Variants in FAM91A1 observed in about 807,000 individuals in gnomAD.
The protein encoded by FAM91A1 is protein FAM91A1.
In FAM91A1, 41 loss-of-function variants were observed where a neutral mutation model predicts 113.5. The ratio of observed to expected loss-of-function variants is 0.36; its 90% CI spans 0.28 to 0.47. The LOEUF is 0.47. Ranked by LOEUF, FAM91A1 falls within the 20% of genes least tolerant of loss-of-function variation. FAM91A1 has a pLI of 1.00. For synonymous variants in FAM91A1, 307 were observed against 347.9 expected, an observed-to-expected ratio of 0.88 and a Z score of 1.31; for missense variants, 696 against 1,001.2, an observed-to-expected ratio of 0.70 and a Z score of 4.11.
intron 15 of FAM91A1, among the ~76,000 whole-genome samples, chr8:123,794,120 T>G (rs1311679518): frequency 1.3e-5 from 2 of 152,238 alleles, no homozygotes; most frequent in East Asian, 3.8e-4. Context: ...ACACTTTGGC[T>G]TTCGTTATAC....
intron 8 of FAM91A1, among the ~76,000 whole-genome samples, chr8:123,782,368 A>G (rs1815146139): frequency 1.3e-5 from 2 of 152,218 alleles, no homozygotes. Context: ...ATTCAGTACA[A>G]ATAATACCTG....
At chr8:123,812,387 T>TCTGTGG in intron 23 of FAM91A1, 132 bp from the exon 24 acceptor site, 14 of 643,758 alleles carry the variant, frequency 2.2e-5, no homozygotes, top group South Asian at 8.4e-5. Flanking sequence ...AGTGTAGATC[T>TCTGTGG]TTGCATCTCC....
Position 123,785,085 on chromosome 8 carries a change from C to CA in FAM91A1, c.818dup (p.Asn273LysfsTer4). ...AATTTTAATTTTATCTTCTAGCTTG[C>CA]AAATGTCCTTGAGATTGACTTATCC... On this transcript the variant is annotated frameshift_variant, in exon 10 of 24. Coordinates refer to ENST00000334705, the MANE Select transcript of FAM91A1 (RefSeq NM_144963.4). LOFTEE classifies it high-confidence loss of function. The CA allele has an allele frequency of 6.3e-7, 1 of 1,587,752 alleles. No homozygotes were observed. Among genetic ancestry groups the CA allele is most frequent in the South Asian group, 1.2e-5 (1 of 86,144 alleles).
chr8:123,788,352 A>T, intron 14 of FAM91A1: 1 of 634,640 alleles, frequency 1.6e-6, no homozygotes, highest in Non-Finnish European at 2.0e-6. Context: ...GTATTCAAAT[A>T]GTTTGTGTGC....
At chr8:123,787,460 G>A in intron 13 of FAM91A1, 87 bp downstream of exon 13, 1 of 1,134,696 alleles carries the variant, frequency 8.8e-7, no homozygotes, top group South Asian at 1.5e-5. Context: ...CTTTTTTAAA[G>A]TACTACATTT....
At chr8:123,778,801 A>G in intron 6 of FAM91A1, 29 bp downstream of exon 6, 1 of 1,337,446 alleles carries the variant, frequency 7.5e-7, no homozygotes, top group African/African-American at 1.5e-5. Context: ...TAAACATAGA[A>G]TTTTTATTTT....
intron 15 of FAM91A1, among the ~76,000 whole-genome samples, chr8:123,791,700 G>A (rs1232184896): frequency 2.0e-5 from 3 of 152,138 alleles, no homozygotes; most frequent in African/African-American, 7.2e-5. Flanking sequence ...AATGATTGGC[G>A]TGACTATTTC....
At chr8:123,779,305 A>T (rs556591883) in intron 6 of FAM91A1, among the ~76,000 whole-genome samples, 1 of 152,204 alleles carries the variant, frequency 6.6e-6, no homozygotes, top group African/African-American at 2.4e-5. Context: ...ATCACTGCAA[A>T]GAACTGTTGT....
chr8:123,768,441 A>C lies in FAM91A1; in HGVS notation c.-262A>C. 1 of 408,792 alleles carries C rather than the reference A, an allele frequency of 2.4e-6. No homozygotes were observed. 25.3% of individuals were successfully genotyped at this position (408,792 alleles called of 1,614,324 possible). On this transcript the variant is annotated 5_prime_UTR_variant, in exon 1 of 24. Transcript: ENST00000334705. Reference sequence around the variant, plus strand: ...GCGGGCGGAAGTGACGTGTGCCCAGAGCCATTTCCGGCGGCCCGAAACTAG... The same window carrying C: ...GCGGGCGGAAGTGACGTGTGCCCAGCGCCATTTCCGGCGGCCCGAAACTAG...
intron 8 of FAM91A1, among the ~76,000 whole-genome samples, chr8:123,783,844 C>G (rs1302100081): frequency 6.6e-6 from 1 of 152,136 alleles, no homozygotes; most frequent in African/African-American, 2.4e-5. Flanking sequence ...TTGGGCTGCC[C>G]ACTGTGCTAA....
At chr8:123,778,143 T>A in intron 5 of FAM91A1, 51 bp downstream of exon 5, 1 of 1,368,086 alleles carries the variant, frequency 7.3e-7, no homozygotes, top group Admixed American at 1.9e-5. Context: ...CACAGTTTGA[T>A]TAGTTTTTTT....
chr8:123,798,142 A>G lies in FAM91A1; in HGVS notation c.1464A>G (p.Ala488=). Residue 488 remains alanine, a synonymous_variant, in exon 16 of 24, where the codon GCA becomes GCG. Transcript: ENST00000334705. ...AAAGCCTTCTTGGTTTGGACCCTGC[A>G]ACTTGCAGCAGAGTTCTAAACAAAA... is the stretch of plus-strand genomic sequence containing the variant. ...RCESLLGLDP[A]TCSRVLNKNY... The G allele has an allele frequency of 1.2e-6, 2 of 1,614,142 alleles. No individual in the cohort carries two copies. The highest frequency in any genetic ancestry group is 1.7e-5 in the Admixed American group (1 of 60,026).
intron 15 of FAM91A1, among the ~76,000 whole-genome samples, chr8:123,796,911 A>G (rs1401359149): frequency 6.6e-6 from 1 of 151,562 alleles, no homozygotes; most frequent in Non-Finnish European, 1.5e-5. Context: ...AAATACAAAA[A>G]TTACCTGGGT....
intron 8 of FAM91A1, among the ~76,000 whole-genome samples, chr8:123,782,773 A>C (rs916631277): frequency 1.3e-5 from 2 of 152,186 alleles, no homozygotes; most frequent in African/African-American, 4.8e-5. Flanking sequence ...CACTGTTTCA[A>C]ATTTCTTCAT....
chr8:123,791,125 G>T (rs1815372669), intron 15 of FAM91A1, among the ~76,000 whole-genome samples: 2 of 152,176 alleles, frequency 1.3e-5, no homozygotes, highest in Non-Finnish European at 2.9e-5. Context: ...ATCACAGAAT[G>T]TGAGAACATT....
Position 123,810,161 on chromosome 8 carries a change from A to G in FAM91A1, c.2262-121A>G, listed in dbSNP as rs1006552746. ...AGAAACACTGAAATTGTTTTTTAAG[A>G]TGTTTTGTGATTGGCCAGGATATAT... On this transcript the variant is annotated intron_variant, in intron 22 of 23. Coordinates refer to ENST00000334705, the MANE Select transcript of FAM91A1 (RefSeq NM_144963.4). 4.6e-6 allele frequency: 4 copies of G among 860,330 alleles called. No individual in the cohort carries two copies. The African/African-American group carries it at 7.1e-5, about 15-fold the overall frequency. The allele number at this position is 860,330 out of a possible 1,614,324, so 53.3% of individuals were successfully genotyped here.
chr8:123,787,641 AAT>A (rs1181698930), intron 13 of FAM91A1, 21 bp from the exon 14 acceptor site: 1 of 1,583,118 alleles, frequency 6.3e-7, no homozygotes, highest in African/African-American at 1.4e-5. Flanking sequence ...GTAGAACTTT[AAT>A]ATTTTGTTTC....
chr8:123,786,397 G>A (rs1815258391), intron 11 of FAM91A1, 98 bp from the exon 12 acceptor site: 1 of 907,952 alleles, frequency 1.1e-6, no homozygotes, highest in South Asian at 1.5e-5. Context: ...ACTGAATTTT[G>A]ATGGATTGTT....
Position 123,768,476 on chromosome 8 carries a change from T to C in FAM91A1, c.-227T>C. 2.2e-6 allele frequency: 1 copy of C among 456,376 alleles called. No homozygotes were observed. The highest frequency in any genetic ancestry group is 4.1e-5 in the South Asian group (1 of 24,412). 28.3% of individuals were successfully genotyped at this position (456,376 alleles called of 1,614,324 possible). On this transcript the variant is annotated 5_prime_UTR_variant, in exon 1 of 24. Transcript: ENST00000334705. ...GGCGGCCCGAAACTAGGAAGAAACT[T>C]GGAGCTGTTCAGGCGATCCAGCCTC...
Sources: allele counts gnomAD v4.1 joint callset (sites outside exome capture counted in the v4.1 genomes callset), GRCh38; gene constraint gnomAD v4.1.1; transcripts MANE v1.5; gene names NCBI Gene and HGNC (gene_info 2026-07-23, HGNC 2026-07-21).